CDH12: variants seen among roughly 807,000 people sequenced by gnomAD.
CDH12 encodes cadherin-12.
A neutral mutation model predicts 74.1 loss-of-function variants in CDH12; 41 were observed. That is an observed-to-expected ratio of 0.55 (90% CI 0.43 to 0.72). CDH12 has a LOEUF of 0.72. CDH12 is among the 30% of genes least tolerant of loss of function. CDH12 has a pLI of 0.00. For synonymous variants in CDH12, 399 were observed against 355.0 expected, an observed-to-expected ratio of 1.12 and a Z score of -1.39; for missense variants, 945 against 977.2, an observed-to-expected ratio of 0.97 and a Z score of 0.44.
intron 2 of CDH12, among the ~76,000 whole-genome samples, chr5:22,417,641 CT>C (rs1462242455): frequency 6.6e-6 from 1 of 152,074 alleles, no homozygotes; most frequent in Admixed American, 6.5e-5. Flanking sequence ...GACAGCAAGT[CT>C]TTTTTTATGA....
chr5:22,615,517 G>A (rs1264330016), intron 1 of CDH12, among the ~76,000 whole-genome samples: 1 of 151,930 alleles, frequency 6.6e-6, no homozygotes, highest in African/African-American at 2.4e-5. Flanking sequence ...GTCCTAGCAG[G>A]GAGTTTATAA....
At chr5:21,773,604 G>A (rs1455355337) in intron 11 of CDH12, among the ~76,000 whole-genome samples, 3 of 152,112 alleles carry the variant, frequency 2.0e-5, no homozygotes, top group Non-Finnish European at 4.4e-5. Flanking sequence ...TTTTTGAGGT[G>A]TTGAGACTTG....
intron 3 of CDH12, among the ~76,000 whole-genome samples, chr5:22,262,225 G>A (rs915035297): frequency 8.0e-5 from 12 of 149,320 alleles, no homozygotes; most frequent in Admixed American, 2.0e-4. Flanking sequence ...CCACTAACTC[G>A]TCATCTAGCA....
intron 10 of CDH12, 62 bp downstream of exon 10, chr5:21,802,105 T>G: frequency 6.7e-7 from 1 of 1,488,910 alleles, no homozygotes. Context: ...GGTTCTCTGG[T>G]TTTTGTTCTT....
chr5:22,474,580 G>A (rs1015900889), intron 2 of CDH12, among the ~76,000 whole-genome samples: 2 of 152,096 alleles, frequency 1.3e-5, no homozygotes, highest in Non-Finnish European at 1.5e-5. Flanking sequence ...ATCTGGTAGA[G>A]TTATGGTGAT....
chr5:22,569,307 G>A (rs1739434468), intron 1 of CDH12, among the ~76,000 whole-genome samples: 1 of 152,130 alleles, frequency 6.6e-6, no homozygotes, highest in Non-Finnish European at 1.5e-5. Flanking sequence ...CTGATTAAGT[G>A]TGTGGCACCC....
At chr5:21,880,572 T>TTTCCTTCCTTCCTTCCTTCCTTCC (rs70957076) in intron 6 of CDH12, among the ~76,000 whole-genome samples, 1 of 12,954 alleles carries the variant, frequency 7.7e-5, no homozygotes, top group South Asian at 3.8e-3. Context: ...CCCTTCTTTC[T>TTTCCTTCCTTCCTTCCTTCCTTCC]TTCCTTCCTT....
chr5:22,010,397 C>A lies in CDH12; in HGVS notation c.232-35012G>T, dbSNP rs1481327589. 2.0e-5 allele frequency among the ~76,000 whole-genome samples: 3 copies of A among 152,162 alleles called. No homozygotes were observed. The East Asian group carries it at 5.8e-4, about 29-fold the overall frequency. On this transcript the variant is annotated intron_variant, in intron 5 of 14. Coordinates refer to ENST00000382254, the MANE Select transcript of CDH12 (RefSeq NM_004061.5). ...CATTAACCCCCCATCTATTTAACCA[C>A]CTATATTACATGTGTCCCTGATGTA... is the stretch of plus-strand genomic sequence containing the variant.
intron 1 of CDH12, among the ~76,000 whole-genome samples, chr5:22,698,122 C>CTTTTTCT (rs1742476149): frequency 1.1e-5 from 1 of 91,200 alleles, no homozygotes; most frequent in Non-Finnish European, 2.0e-5. Flanking sequence ...AAAGGCAGGG[C>CTTTTTCT]TTTTTTTTTT....
At chr5:22,555,858 A>G (rs894144470) in intron 1 of CDH12, among the ~76,000 whole-genome samples, 1 of 148,764 alleles carries the variant, frequency 6.7e-6, no homozygotes, top group Non-Finnish European at 1.5e-5. Context: ...CAATAATAAA[A>G]CACAAACAAT....
chr5:21,949,251 C>T (rs1250757914), intron 6 of CDH12, among the ~76,000 whole-genome samples: 1 of 151,810 alleles, frequency 6.6e-6, no homozygotes, highest in Non-Finnish European at 1.5e-5. Flanking sequence ...GAGATCGAGA[C>T]CATCCTGGCT....
chr5:22,365,702 A>T (rs1740999339), intron 3 of CDH12, among the ~76,000 whole-genome samples: 1 of 152,220 alleles, frequency 6.6e-6, no homozygotes, highest in African/African-American at 2.4e-5. Flanking sequence ...GCAAAAACTC[A>T]ACAACTCTTT....
chr5:22,055,679 A>G (rs1341049340), intron 5 of CDH12, among the ~76,000 whole-genome samples: 2 of 152,140 alleles, frequency 1.3e-5, no homozygotes, highest in South Asian at 4.1e-4. Context: ...TTCACTTAAT[A>G]TTCATTCATT....
intron 1 of CDH12, among the ~76,000 whole-genome samples, chr5:22,756,786 C>A (rs1204036843): frequency 1.3e-5 from 2 of 151,924 alleles, no homozygotes; most frequent in Non-Finnish European, 2.9e-5. Context: ...ATGGTGAAAC[C>A]CCGTCTCTAC....
intron 1 of CDH12, among the ~76,000 whole-genome samples, chr5:22,627,984 TA>T (rs956424245): frequency 2.2e-4 from 33 of 151,658 alleles, no homozygotes; most frequent in African/African-American, 7.5e-4. Flanking sequence ...AAGATTAAAT[TA>T]AAAAGAAAAA....
chr5:22,438,147 C>A (rs1293945767), intron 2 of CDH12, among the ~76,000 whole-genome samples: 1 of 151,988 alleles, frequency 6.6e-6, no homozygotes, highest in Non-Finnish European at 1.5e-5. Flanking sequence ...AATTACTTCT[C>A]CCAGGAAGTG....
intron 8 of CDH12, among the ~76,000 whole-genome samples, chr5:21,821,027 A>G (rs1748340595): frequency 6.6e-6 from 1 of 151,998 alleles, no homozygotes; most frequent in African/African-American, 2.4e-5. Context: ...AAAGGAGGAA[A>G]TTGCATGCAG....
chr5:22,019,630 T>A (rs1053502685), intron 5 of CDH12, among the ~76,000 whole-genome samples: 7 of 152,210 alleles, frequency 4.6e-5, no homozygotes, highest in Non-Finnish European at 7.3e-5. Context: ...GCCCTCGCCA[T>A]GAACCAAACA....
chr5:21,890,660 A>G (rs778651126), intron 6 of CDH12, among the ~76,000 whole-genome samples: 5 of 152,146 alleles, frequency 3.3e-5, no homozygotes, highest in Non-Finnish European at 5.9e-5. Context: ...TTAAAGCACA[A>G]TTTTAGAGAC....
Sources: gnomAD v4.1 joint callset for allele counts (sites outside exome capture counted in the v4.1 genomes callset) on GRCh38, gnomAD v4.1.1 for gene constraint, MANE v1.5 for transcripts, NCBI Gene and HGNC (gene_info 2026-07-23, HGNC 2026-07-21) for gene names.